The following RGL3 variants were observed in gnomAD, a reference collection of about 807,000 sequenced individuals.
RGL3 encodes the protein ral guanine nucleotide dissociation stimulator like 3, also known as ral guanine nucleotide dissociation stimulator-like 3.
RGL3 carries 85 observed loss-of-function variants against 90.6 expected under a neutral mutation model. The observed-to-expected ratio is 0.94, with a 90% CI of 0.79 to 1.12. The LOEUF (loss-of-function observed/expected upper bound fraction) is 1.12. RGL3 is among the 50% of genes most tolerant of loss of function. The pLI is 0.00. For synonymous variants in RGL3, 408 were observed against 385.5 expected (o/e 1.06, Z -0.68); for missense variants, 1,034 against 939.2 (o/e 1.10, Z -1.32).
At chr19:11,405,982 C>T (rs1305177211) in intron 7 of RGL3, among the ~76,000 whole-genome samples, 1 of 151,788 alleles carries the variant, frequency 6.6e-6, no homozygotes, top group African/African-American at 2.4e-5. Context: ...CTCCCTCTCC[C>T]CAAAGTGCTG....
At position 11,406,702 on chromosome 19, in the gene RGL3, AC is replaced by A; in HGVS notation, c.780+19del. ...TGTCCCCTCACTGTGGCTCATCCCGACCCTGTCCGGGATCCTCACCAAGTCT... is the reference window on the plus strand; with the variant it reads ...TGTCCCCTCACTGTGGCTCATCCCGACCTGTCCGGGATCCTCACCAAGTCT... On this transcript the variant is annotated intron_variant, in intron 6 of 18. Coordinates refer to ENST00000380456, the MANE Select transcript of RGL3 (RefSeq NM_001035223.4). The A allele has an allele frequency of 6.2e-7, 1 of 1,612,778 alleles. No homozygotes were observed. The highest frequency in any genetic ancestry group is 8.5e-7 in the Non-Finnish European group (1 of 1,179,664).
chr19:11,395,125 C>A (rs1361220019), intron 18 of RGL3, among the ~76,000 whole-genome samples: 1 of 151,594 alleles, frequency 6.6e-6, no homozygotes, highest in Non-Finnish European at 1.5e-5. Flanking sequence ...ACAAAACCGA[C>A]AACCTGCAGT....
chr19:11,402,164 G>GCCCCCCCC lies in RGL3; in HGVS notation c.1363-33_1363-32insGGGGGGGG. The GCCCCCCCC allele has an allele frequency of 6.9e-6, 11 of 1,585,714 alleles. No homozygotes were observed. The African/African-American group carries it at 1.2e-4, about 17-fold the overall frequency. Reference sequence around the variant, plus strand: ...GACGAGCCTCTAAGACCCTACCCCTGCCCCACCCCCACCCTCAGGCACCAC... The same window carrying GCCCCCCCC: ...GACGAGCCTCTAAGACCCTACCCCTGCCCCCCCCCCCCACCCCCACCCTCAGGCACCAC... On this transcript the variant is annotated intron_variant, in intron 12 of 18. Coordinates refer to ENST00000380456, the MANE Select transcript of RGL3 (RefSeq NM_001035223.4).
chr19:11,415,374 C>T (rs1968974886), intron 5 of RGL3, among the ~76,000 whole-genome samples: 1 of 151,930 alleles, frequency 6.6e-6, no homozygotes, highest in South Asian at 2.1e-4. Context: ...AAAATAAAGA[C>T]AAGTATCAAG....
intron 18 of RGL3, 70 bp downstream of exon 18, chr19:11,397,174 C>G: frequency 7.4e-7 from 1 of 1,344,734 alleles, no homozygotes; most frequent in Non-Finnish European, 1.1e-6. Context: ...TGGGCTCCAT[C>G]CTTGGGCGTG....
chr19:11,394,294 C>A lies in RGL3; in HGVS notation c.*108G>T. The A allele has an allele frequency of 2.4e-6, 2 of 823,702 alleles. No homozygotes were observed. Among genetic ancestry groups the A allele is most frequent in the Non-Finnish European group, 4.2e-6 (2 of 472,126 alleles). The allele number at this position is 823,702 out of a possible 1,614,324, so 51.0% of individuals were successfully genotyped here. A position where few individuals can be genotyped will look rare whatever the true frequency, so the allele number is the denominator to read the frequency against. ...CAATGGGCTACAGTTGGGTGGTGGT[C>A]CTGGGATACACAGCACAGTGGCCTC... On this transcript the variant is annotated 3_prime_UTR_variant, in exon 19 of 19. Coordinates refer to ENST00000380456, the MANE Select transcript of RGL3 (RefSeq NM_001035223.4).
chr19:11,403,045 C>G (rs1276425793), intron 9 of RGL3, among the ~76,000 whole-genome samples: 1 of 151,756 alleles, frequency 6.6e-6, no homozygotes, highest in Non-Finnish European at 1.5e-5. Flanking sequence ...GAAGCAGAGG[C>G]TGCACTCTAG....
At chr19:11,406,378 A>T (rs1209962536) in intron 7 of RGL3, 41 bp downstream of exon 7, 2 of 1,508,914 alleles carry the variant, frequency 1.3e-6, no homozygotes, top group Admixed American at 4.0e-5. Flanking sequence ...CCCTTGCCCC[A>T]GGGCCCGCCC....
In RGL3 at chr19:11,416,068, C is replaced by T. The variant is rs1259689833; in HGVS notation, c.506G>A (p.Gly169Asp). 3 of 1,612,900 alleles carry T rather than the reference C, an allele frequency of 1.9e-6. No homozygotes were observed. Among genetic ancestry groups the T allele is most frequent in the African/African-American group, 1.3e-5 (1 of 74,910 alleles). The change falls in exon 5 of 19, where the codon GGC (glycine) becomes GAC (aspartate). Residue 169 changes from glycine to aspartate, a missense_variant. By Grantham distance (94) the Gly-to-Asp change is moderately conservative. Coordinates refer to ENST00000380456, the MANE Select transcript of RGL3 (RefSeq NM_001035223.4). Reference sequence around the variant, plus strand: ...CCAGCCCAGAAAGGTTCGGACACTGCCCAGGTCCGAATGGGCAGGGTGGTC... The same window carrying T: ...CCAGCCCAGAAAGGTTCGGACACTGTCCAGGTCCGAATGGGCAGGGTGGTC... ...FRDHPAHSDL[G>D]SVRTFLGWAA...
At position 11,394,326 on chromosome 19, in the gene RGL3, G is replaced by T. The variant is rs1968526468; in HGVS notation, c.*76C>A. On this transcript the variant is annotated 3_prime_UTR_variant, in exon 19 of 19. Coordinates refer to ENST00000380456, the MANE Select transcript of RGL3 (RefSeq NM_001035223.4). The stretch of plus-strand genomic sequence containing the variant: ...TACACAGCACAGTGGCCTCTACTGG[G>T]GGATGGCAGCTTTCCAGGAGAAGAG... 4.5e-6 allele frequency: 5 copies of T among 1,115,708 alleles called. No individual in the cohort carries two copies. In the South Asian group the frequency reaches 6.2e-5, roughly 14 times the overall value. 69.1% of individuals were successfully genotyped at this position (1,115,708 alleles called of 1,614,324 possible). A position where few individuals can be genotyped will look rare whatever the true frequency, so the allele number is the denominator to read the frequency against.
At chr19:11,402,733 G>T (rs777141922) in intron 9 of RGL3, 27 bp from the exon 10 acceptor site, 11 of 1,603,072 alleles carry the variant, frequency 6.9e-6, no homozygotes, top group Admixed American at 1.7e-5. Context: ...ACTGAGCCAG[G>T]TCTGGGGTCT....
intron 5 of RGL3, chr19:11,411,394 C>T (rs1057175535): frequency 1.3e-5 from 2 of 152,040 alleles, no homozygotes; most frequent in Non-Finnish European, 2.9e-5. Flanking sequence ...ATCTCAGCAT[C>T]CTAAGTAGCT....
In RGL3 at chr19:11,405,393, G is replaced by C. The variant is rs1038992708; in HGVS notation, c.1030C>G (p.Arg344Gly). ...GATTGCAGGGCGGACAGGATGGCGC[G>C]CAAGGAGGAGAAGTTCCGCAGTTCT... is the stretch of plus-strand genomic sequence containing the variant. ...CRELRNFSSL[R>G]AILSALQSNP... Residue 344 changes from arginine to glycine, a missense_variant, in exon 8 of 19, where the codon CGC (arginine) becomes GGC (glycine). Arg to Gly is a moderately radical substitution (Grantham distance 125). Coordinates refer to ENST00000380456, the MANE Select transcript of RGL3 (RefSeq NM_001035223.4). 1.9e-6 allele frequency: 3 copies of C among 1,604,132 alleles called. No individual in the cohort carries two copies. The highest frequency in any genetic ancestry group is 1.7e-5 in the Admixed American group (1 of 58,064).
In RGL3 at chr19:11,399,938, A is replaced by AC. The variant is rs775239320; in HGVS notation, c.1662dup (p.Ser555ValfsTer7). 6.5e-7 allele frequency: 1 copy of AC among 1,545,304 alleles called. No homozygotes were observed. Among genetic ancestry groups the AC allele is most frequent in the East Asian group, 2.4e-5 (1 of 40,916 alleles). ...CTGCTTCTAGGACTTGAGGGGGGTG[A>AC]CCCTGGGGACACACTGGGGGAGATG... is the stretch of plus-strand genomic sequence containing the variant. On this transcript the variant is annotated frameshift_variant, in exon 16 of 19. Transcript: ENST00000380456. LOFTEE classifies it high-confidence loss of function.
chr19:11,395,727 A>C (rs1968552972), intron 18 of RGL3, among the ~76,000 whole-genome samples: 1 of 151,818 alleles, frequency 6.6e-6, no homozygotes, highest in East Asian at 1.9e-4. Flanking sequence ...TCCTGGGTTC[A>C]AGTGATTCTT....
intron 18 of RGL3, 101 bp downstream of exon 18, chr19:11,397,143 C>A (rs1367960870): frequency 4.3e-6 from 4 of 921,188 alleles, no homozygotes; most frequent in Non-Finnish European, 6.8e-6. Context: ...CACCTCACAG[C>A]CCTGTGAACC....
chr19:11,398,644 C>G (rs1293281658), intron 16 of RGL3, among the ~76,000 whole-genome samples: 7 of 148,950 alleles, frequency 4.7e-5, no homozygotes, highest in African/African-American at 1.7e-4. Context: ...CCATGCCCAG[C>G]CTTCATTTCC....
chr19:11,417,724 C>A (rs931861132), intron 2 of RGL3, among the ~76,000 whole-genome samples: 1 of 151,654 alleles, frequency 6.6e-6, no homozygotes, highest in Non-Finnish European at 1.5e-5. Context: ...CTTGCCTCGG[C>A]CTCCCAAAGT....
Position 11,416,881 on chromosome 19 carries a change from A to G in RGL3, c.326T>C (p.Leu109Pro). The change falls in exon 3 of 19, where the codon CTG (leucine) becomes CCG (proline). Residue 109 changes from leucine (L) to proline (P), a missense_variant. Transcript: ENST00000380456. Reference protein sequence around the residue: ...TYRTFVPTACLLGFLLPPMPP... With the variant: ...TYRTFVPTACPLGFLLPPMPP... The stretch of plus-strand genomic sequence containing the variant: ...CATTGGTGGCAGCAGAAAGCCCAGC[A>G]GGCAGGCAGTGGGTACAAAGGTCCG... 1 of 1,614,118 alleles carries G rather than the reference A, an allele frequency of 6.2e-7. No homozygotes were observed. Among genetic ancestry groups the G allele is most frequent in the South Asian group, 1.1e-5 (1 of 91,088 alleles).
Sources: gnomAD v4.1 joint callset for allele counts (sites outside exome capture counted in the v4.1 genomes callset) on GRCh38, gnomAD v4.1.1 for gene constraint, MANE v1.5 for transcripts, NCBI Gene and HGNC (gene_info 2026-07-23, HGNC 2026-07-21) for gene names.